OCA2: variants seen among roughly 807,000 people sequenced by gnomAD.
OCA2 encodes P protein.
In OCA2, 77 loss-of-function variants were observed where a neutral mutation model predicts 100.2. The observed-to-expected ratio is 0.77, with a 90% CI of 0.64 to 0.93. OCA2 has a LOEUF of 0.93. Among genes scored for constraint, OCA2 ranks in the 40% least tolerant of loss-of-function variants. OCA2 has a pLI of 0.00. For synonymous variants in OCA2, 432 were observed against 439.2 expected, an observed-to-expected ratio of 0.98 and a Z score of 0.21; for missense variants, 1,062 against 1,089.1, an observed-to-expected ratio of 0.98 and a Z score of 0.35.
the OCA2 span, among the ~76,000 whole-genome samples, chr15:27,740,013 A>G: frequency 6.6e-6 from 1 of 152,250 alleles, no homozygotes; most frequent in Admixed American, 6.5e-5. Flanking sequence ...TACATGTTTG[A>G]CTATACACTG....
chr15:28,023,906 A>AC (rs1566811185), intron 5 of OCA2, among the ~76,000 whole-genome samples: 1 of 151,982 alleles, frequency 6.6e-6, no homozygotes, highest in Non-Finnish European at 1.5e-5. Flanking sequence ...GGGACCATAC[A>AC]CCCACGTGCA....
At chr15:28,090,935 A>G (rs2044860172) in intron 1 of OCA2, among the ~76,000 whole-genome samples, 1 of 152,210 alleles carries the variant, frequency 6.6e-6, no homozygotes, top group African/African-American at 2.4e-5. Flanking sequence ...AATGGAATTA[A>G]CAATCCTCTA....
chr15:27,945,187 A>C (rs2039788961), intron 18 of OCA2, among the ~76,000 whole-genome samples: 1 of 152,210 alleles, frequency 6.6e-6, no homozygotes, highest in Admixed American at 6.5e-5. Flanking sequence ...TCCAGCTCAT[A>C]GTGACCTCCT....
intron 19 of OCA2, among the ~76,000 whole-genome samples, chr15:27,873,737 A>G (rs2036676837): frequency 6.6e-6 from 1 of 152,232 alleles, no homozygotes; most frequent in African/African-American, 2.4e-5. Context: ...AAACTTGAAT[A>G]TTGCACCTAA....
chr15:27,841,185 C>T lies in OCA2; in HGVS notation c.2432+3774G>A, dbSNP rs1037219099. Among the ~76,000 whole-genome samples, 30 of 152,260 alleles carry T rather than the reference C, an allele frequency of 2.0e-4. No individual in the cohort carries two copies. In the East Asian group the frequency reaches 5.8e-3, roughly 29 times the overall value. ...TTGGATGAATTGCTAGACAATGATG[C>T]CGAGTGAAAACAGCCAATACAAAAA... is the stretch of plus-strand genomic sequence containing the variant. On this transcript the variant is annotated intron_variant, in intron 23 of 23. Transcript: ENST00000354638.
intron 1 of OCA2, 25 bp from the exon 2 acceptor site, chr15:28,081,920 T>A: frequency 4.5e-6 from 7 of 1,561,232 alleles, no homozygotes; most frequent in Non-Finnish European, 5.2e-6. Flanking sequence ...AAGAAACCAC[T>A]CTTCATGAAA....
At chr15:27,862,794 C>T (rs188231216) in intron 21 of OCA2, among the ~76,000 whole-genome samples, 302 of 152,246 alleles carry the variant, frequency 2.0e-3, no homozygotes, top group Non-Finnish European at 3.4e-3. Flanking sequence ...ATTTTAAGTT[C>T]GTATGTCAAA....
intron 19 of OCA2, among the ~76,000 whole-genome samples, chr15:27,890,290 A>G (rs1007245414): frequency 2.0e-5 from 3 of 152,234 alleles, no homozygotes; most frequent in Non-Finnish European, 4.4e-5. Context: ...AAAGTACAGT[A>G]AGGAATAAAG....
At chr15:28,025,721 C>T (rs137910411) in intron 4 of OCA2, among the ~76,000 whole-genome samples, 257 of 152,360 alleles carry the variant, frequency 1.7e-3, no homozygotes, top group African/African-American at 5.8e-3. Flanking sequence ...CCGGCTGCTC[C>T]GTGAGGGCAG....
At chr15:27,786,788 CTTTA>C (rs1292265916) in intron 23 of OCA2, among the ~76,000 whole-genome samples, 1 of 152,058 alleles carries the variant, frequency 6.6e-6, no homozygotes, top group Non-Finnish European at 1.5e-5. Flanking sequence ...CCTTGAATGT[CTTTA>C]TTTCTTTTTC....
chr15:27,820,478 A>G (rs573945607), intron 23 of OCA2, among the ~76,000 whole-genome samples: 41 of 152,328 alleles, frequency 2.7e-4, no homozygotes, highest in African/African-American at 9.4e-4. Context: ...ATGTCAGACA[A>G]ATCTCACTTT....
intron 14 of OCA2, among the ~76,000 whole-genome samples, chr15:27,977,684 C>G (rs1041680837): frequency 4.6e-5 from 7 of 152,176 alleles, no homozygotes; most frequent in Non-Finnish European, 1.5e-5. Context: ...CCCTACCTCG[C>G]CCCCTCAATG....
intron 3 of OCA2, among the ~76,000 whole-genome samples, chr15:28,028,856 T>C (rs2042832505): frequency 2.0e-5 from 3 of 152,182 alleles, no homozygotes; most frequent in South Asian, 4.2e-4. Context: ...CAACTAATTT[T>C]TGTATTTTTA....
chr15:27,845,318 G>T (rs1335052434), intron 22 of OCA2, among the ~76,000 whole-genome samples: 1 of 152,152 alleles, frequency 6.6e-6, no homozygotes, highest in African/African-American at 2.4e-5. Flanking sequence ...AGGAGAATGG[G>T]CAAGTCACTG....
the OCA2 span, among the ~76,000 whole-genome samples, chr15:27,742,986 G>A: frequency 6.6e-6 from 1 of 152,210 alleles, no homozygotes; most frequent in African/African-American, 2.4e-5. Flanking sequence ...CACTTAATTA[G>A]GAAGCTTGTT....
At chr15:27,876,836 G>T (rs1387140217) in intron 19 of OCA2, among the ~76,000 whole-genome samples, 3 of 151,728 alleles carry the variant, frequency 2.0e-5, no homozygotes, top group African/African-American at 7.3e-5. Flanking sequence ...TCTTTTCAAA[G>T]AACCAGCTTT....
chr15:27,917,428 A>G (rs1452845882), intron 19 of OCA2, among the ~76,000 whole-genome samples: 1 of 152,210 alleles, frequency 6.6e-6, no homozygotes, highest in Non-Finnish European at 1.5e-5. Flanking sequence ...ATCTGATGTG[A>G]AAGCCTGTGC....
At chr15:27,778,508 A>G (rs1295222357) in intron 23 of OCA2, among the ~76,000 whole-genome samples, 2 of 152,214 alleles carry the variant, frequency 1.3e-5, no homozygotes, top group Non-Finnish European at 2.9e-5. Flanking sequence ...ATAGCAAGAG[A>G]CACTGCACAG....
chr15:27,803,749 T>C (rs1407049208), intron 23 of OCA2, among the ~76,000 whole-genome samples: 1 of 152,206 alleles, frequency 6.6e-6, no homozygotes, highest in Non-Finnish European at 1.5e-5. Flanking sequence ...ATATTATATG[T>C]ATTTTACCAC....
Sources: gnomAD v4.1 joint callset for allele counts (sites outside exome capture counted in the v4.1 genomes callset) on GRCh38, gnomAD v4.1.1 for gene constraint, MANE v1.5 for transcripts, NCBI Gene and HGNC (gene_info 2026-07-23, HGNC 2026-07-21) for gene names.